The following NUCB1 variants were observed in gnomAD, a reference collection of about 807,000 sequenced individuals.
NUCB1 encodes nucleobindin-1.
NUCB1 carries 47 observed loss-of-function variants against 61.2 expected under a neutral mutation model. The ratio of observed to expected loss-of-function variants is 0.77; its 90% CI spans 0.61 to 0.98. The LOEUF is 0.98. Ranked by LOEUF, NUCB1 falls within the 50% of genes least tolerant of loss-of-function variation. The pLI is 0.00. For missense variants in NUCB1, 583 were observed against 605.3 expected, an observed-to-expected ratio of 0.96 and a Z score of 0.39; for synonymous variants, 234 against 243.1, an observed-to-expected ratio of 0.96 and a Z score of 0.35.
At chr19:48,906,449 G>A (rs925388107) in intron 4 of NUCB1, among the ~76,000 whole-genome samples, 6 of 151,518 alleles carry the variant, frequency 4.0e-5, no homozygotes, top group Non-Finnish European at 5.9e-5. Context: ...GGTAGAGGCC[G>A]GGTGCAGTGG....
At chr19:48,905,908 G>GT in intron 4 of NUCB1, 23 bp downstream of exon 4, 1 of 738,662 alleles carries the variant, frequency 1.4e-6, no homozygotes, top group Non-Finnish European at 2.3e-6. Flanking sequence ...AGGGCGGGAG[G>GT]GACAGGCAGG....
chr19:48,914,957 G>A (rs957251560), intron 7 of NUCB1, among the ~76,000 whole-genome samples: 1 of 152,002 alleles, frequency 6.6e-6, no homozygotes, highest in African/African-American at 2.4e-5. Context: ...GTGAGTGCCT[G>A]TAATCCCAGC....
intron 5 of NUCB1, 147 bp downstream of exon 5, chr19:48,911,399 TC>T (rs2037471082): frequency 2.7e-5 from 15 of 545,474 alleles, no homozygotes; most frequent in South Asian, 6.7e-5. Context: ...TCGTTTCTTT[TC>T]TTTTCTTTTT....
At position 48,900,327 on chromosome 19, in the gene NUCB1, G is replaced by A. The variant is rs1421051395; in HGVS notation, c.-57G>A. 6.1e-6 allele frequency: 1 copy of A among 163,408 alleles called. No homozygotes were observed. The highest frequency in any genetic ancestry group is 2.4e-5 in the African/African-American group (1 of 41,582). 10.1% of individuals were successfully genotyped at this position (163,408 alleles called of 1,614,324 possible). On this transcript the variant is annotated 5_prime_UTR_variant, in exon 1 of 13. Coordinates refer to ENST00000405315, the MANE Select transcript of NUCB1 (RefSeq NM_006184.6). ...GGGGGAAGTCACCAAGAACGCACCG[G>A]AGGTCCTTGCCCGCCCTGGAAAACG...
intron 4 of NUCB1, among the ~76,000 whole-genome samples, chr19:48,907,911 G>A (rs1346520186): frequency 6.6e-6 from 1 of 152,066 alleles, no homozygotes; most frequent in African/African-American, 2.4e-5. Flanking sequence ...ACCTTTGTCC[G>A]TTCGCCCCGC....
In NUCB1 at chr19:48,908,721, GGTGTGTGT is replaced by G. The variant is rs57686025; in HGVS notation, c.377-2393_377-2386del. ...TGTCTTTCTGCCCACTTGACCAAGGGGTGTGTGTGTGTGTGTGTGTGTGTGTGTGTGTG... is the reference window on the plus strand; with the variant it reads ...TGTCTTTCTGCCCACTTGACCAAGGGGTGTGTGTGTGTGTGTGTGTGTGTG... On this transcript the variant is annotated intron_variant, in intron 4 of 12. Transcript: ENST00000405315. 6.2e-3 allele frequency among the ~76,000 whole-genome samples: 677 copies of G among 109,340 alleles called. 8 individuals are homozygous for G. The highest frequency in any genetic ancestry group is 0.02 in the African/African-American group (559 of 27,448). The allele number at this position is 109,340 out of a possible 152,430, so 71.7% of individuals were successfully genotyped here.
chr19:48,921,776 G>A (rs1174432624), intron 11 of NUCB1, 51 bp from the exon 12 acceptor site: 1 of 1,563,988 alleles, frequency 6.4e-7, no homozygotes, highest in Admixed American at 1.7e-5. Context: ...CTGAGCACTT[G>A]CAATGCCAGC....
intron 4 of NUCB1, among the ~76,000 whole-genome samples, chr19:48,910,130 G>A (rs992878626): frequency 1.3e-5 from 2 of 151,944 alleles, no homozygotes; most frequent in Non-Finnish European, 2.9e-5. Flanking sequence ...CCAGGCTGGT[G>A]CAGTGGCGTG....
intron 7 of NUCB1, among the ~76,000 whole-genome samples, chr19:48,915,897 C>A (rs2037534541): frequency 6.6e-6 from 1 of 152,042 alleles, no homozygotes; most frequent in Non-Finnish European, 1.5e-5. Flanking sequence ...AATCCTCCTG[C>A]CTCAGTCACC....
chr19:48,918,998 C>A lies in NUCB1; in HGVS notation c.817-32C>A, dbSNP rs747529002. The A allele has an allele frequency of 6.2e-6, 10 of 1,600,318 alleles. No homozygotes were observed. The South Asian group carries it at 1.0e-4, about 16-fold the overall frequency. On this transcript the variant is annotated intron_variant, in intron 8 of 12. Transcript: ENST00000405315. Reference sequence around the variant, plus strand: ...GGGAATGAGCTCGCTGGGGACCTCTCAATGCTGTCTGCCTCTCGCTTGCTC... The same window carrying A: ...GGGAATGAGCTCGCTGGGGACCTCTAAATGCTGTCTGCCTCTCGCTTGCTC...
chr19:48,909,183 CCTCT>C, intron 4 of NUCB1, among the ~76,000 whole-genome samples: 1 of 151,920 alleles, frequency 6.6e-6, no homozygotes, highest in East Asian at 1.9e-4. Context: ...CACCATCTTT[CCTCT>C]CTGTGTGCCT....
At chr19:48,901,319 CA>C (rs2122158823) in intron 2 of NUCB1, among the ~76,000 whole-genome samples, 1 of 152,268 alleles carries the variant, frequency 6.6e-6, no homozygotes, top group African/African-American at 2.4e-5. Context: ...GTTTAAATTA[CA>C]GAAGGGCGGG....
chr19:48,904,519 A>C (rs1400988571), intron 3 of NUCB1, 65 bp downstream of exon 3: 4 of 910,266 alleles, frequency 4.4e-6, no homozygotes, highest in Admixed American at 5.1e-5. Context: ...TCAGGGGAGG[A>C]CTGGTTTCTT....
rs550065430 is a variant in NUCB1 at position 48,922,562 on chromosome 19, C to T, written c.*138C>T. The T allele has an allele frequency of 2.2e-4, 142 of 653,336 alleles. No homozygotes were observed. The highest frequency in any genetic ancestry group is 1.5e-3 in the Admixed American group (61 of 41,162). The allele number at this position is 653,336 out of a possible 1,614,324, so 40.5% of individuals were successfully genotyped here. A position where few individuals can be genotyped will look rare whatever the true frequency, so the allele number is the denominator to read the frequency against. On this transcript the variant is annotated 3_prime_UTR_variant, in exon 13 of 13. Transcript: ENST00000405315. ...GGCGGGGGCACGGCCTGGCATTTCACGCATTGCTGCCACCCCAGGTCCACC... is the reference window on the plus strand; with the variant it reads ...GGCGGGGGCACGGCCTGGCATTTCATGCATTGCTGCCACCCCAGGTCCACC...
intron 4 of NUCB1, among the ~76,000 whole-genome samples, chr19:48,909,132 C>CT (rs2037445211): frequency 6.6e-6 from 1 of 152,074 alleles, no homozygotes; most frequent in African/African-American, 2.4e-5. Context: ...CCAGGCCCCT[C>CT]TCCTTGGCTT....
intron 10 of NUCB1, among the ~76,000 whole-genome samples, 166 bp downstream of exon 10, chr19:48,919,452 C>CTTATATATTTAT (rs2037581985): frequency 7.0e-6 from 1 of 141,854 alleles, no homozygotes; most frequent in African/African-American, 2.7e-5. Context: ...CTCTAGGACT[C>CTTATATATTTAT]TTATTTATTT....
chr19:48,906,172 G>A (rs2037411468), intron 4 of NUCB1, among the ~76,000 whole-genome samples: 1 of 152,154 alleles, frequency 6.6e-6, no homozygotes, highest in Non-Finnish European at 1.5e-5. Context: ...TTGGGAGGCT[G>A]AGGCAAGCAG....
At chr19:48,909,249 AT>A (rs111606719) in intron 4 of NUCB1, among the ~76,000 whole-genome samples, 27,844 of 136,646 alleles carry the variant, frequency 0.2, 4,030 homozygotes, top group African/African-American at 0.47. Flanking sequence ...TATTATTATT[AT>A]TTTTTTTTTT....
chr19:48,900,966 T>C (rs1446738595), intron 2 of NUCB1, 35 bp downstream of exon 2: 3 of 1,613,192 alleles, frequency 1.9e-6, no homozygotes, highest in East Asian at 2.2e-5. Flanking sequence ...AGCCAGGTGT[T>C]TGCAGTGGTA....
Sources: allele counts gnomAD v4.1 joint callset (sites outside exome capture counted in the v4.1 genomes callset), GRCh38; gene constraint gnomAD v4.1.1; transcripts MANE v1.5; gene names NCBI Gene and HGNC (gene_info 2026-07-23, HGNC 2026-07-21).